The following DENND10 variants were observed in gnomAD, a reference collection of about 807,000 sequenced individuals.
The protein encoded by DENND10 is DENN domain-containing protein 10.
In DENND10, 24 loss-of-function variants were observed where a neutral mutation model predicts 43.6. The ratio of observed to expected loss-of-function variants is 0.55; its 90% confidence interval spans 0.40 to 0.77. DENND10 has a LOEUF of 0.77. Among genes scored for constraint, DENND10 ranks in the 30% least tolerant of loss-of-function variants. The pLI, the probability that DENND10 is intolerant of heterozygous loss-of-function variation, is 0.00. For missense variants in DENND10, 303 were observed against 429.9 expected, an observed-to-expected ratio of 0.70 and a Z score of 2.61; for synonymous variants, 125 against 157.6, an observed-to-expected ratio of 0.79 and a Z score of 1.55.
chr10:119,123,981 C>T (rs1160038592), intron 6 of DENND10, among the ~76,000 whole-genome samples: 2 of 150,006 alleles, frequency 1.3e-5, no homozygotes, highest in Non-Finnish European at 1.5e-5. Flanking sequence ...CACCTGAGGT[C>T]GGGAGTTCAA....
At chr10:119,125,979 C>T (rs938865984) in intron 6 of DENND10, among the ~76,000 whole-genome samples, 1 of 152,058 alleles carries the variant, frequency 6.6e-6, no homozygotes, top group Admixed American at 6.6e-5. Context: ...CTCTGGTACC[C>T]ACCATTCTAC....
chr10:119,111,281 A>C lies in DENND10; in HGVS notation c.253-568A>C, dbSNP rs1041147008. On this transcript the variant is annotated intron_variant, in intron 2 of 8. Coordinates refer to ENST00000361432, the MANE Select transcript of DENND10 (RefSeq NM_207009.4). ...AATGTCCCAAAAAAAAAAAAAAAAA[A>C]AACTGGAAAAATATATACATCTATT... 5.9e-5 allele frequency among the ~76,000 whole-genome samples: 8 copies of C among 136,364 alleles called. No individual in the cohort carries two copies. The East Asian group carries it at 1.8e-3, about 31-fold the overall frequency. The allele number at this position is 136,364 out of a possible 152,430, so 89.5% of individuals were successfully genotyped here.
At chr10:119,108,477 G>A (rs1246546858) in intron 2 of DENND10, among the ~76,000 whole-genome samples, 3 of 69,210 alleles carry the variant, frequency 4.3e-5, no homozygotes, top group Admixed American at 1.9e-4. Context: ...GCGAGACTCC[G>A]TCTCAAAAAA....
At chr10:119,128,601 G>A (rs1372176605) in intron 6 of DENND10, among the ~76,000 whole-genome samples, 2 of 103,740 alleles carry the variant, frequency 1.9e-5, no homozygotes, top group African/African-American at 8.5e-5. Context: ...GAGCGAGACT[G>A]TCTCAAAAAA....
rs1428043364 is a variant in DENND10, at chr10:119,132,297, A to G, written c.803-218A>G. On this transcript the variant is annotated intron_variant, in intron 7 of 8. Coordinates refer to ENST00000361432, the MANE Select transcript of DENND10 (RefSeq NM_207009.4). This position sits in a 1 kb window ranked among gnomAD's most constrained non-coding sequence, Gnocchi z 4.2. ...TGAAGGGGAAATCTGGTTTGGTGTG[A>G]TGTGTTTTTATGTTTGCCCAGAAGT... Among the ~76,000 whole-genome samples the G allele has an allele frequency of 1.3e-5, 2 of 152,108 alleles. No homozygotes were observed. The highest frequency in any genetic ancestry group is 2.9e-5 in the Non-Finnish European group (2 of 68,024).
At chr10:119,131,269 T>C (rs957946948) in intron 7 of DENND10, among the ~76,000 whole-genome samples, 2 of 152,122 alleles carry the variant, frequency 1.3e-5, no homozygotes, top group Non-Finnish European at 2.9e-5. Flanking sequence ...CCAGCCTGGC[T>C]AACACGGTGA....
chr10:119,124,842 G>T (rs1258287566), intron 6 of DENND10, among the ~76,000 whole-genome samples: 2 of 152,166 alleles, frequency 1.3e-5, no homozygotes, highest in Non-Finnish European at 1.5e-5. Flanking sequence ...TGGGGTGATC[G>T]CCTGAGCCCA....
At chr10:119,121,933 G>A (rs1845599963) in intron 5 of DENND10, among the ~76,000 whole-genome samples, 1 of 152,166 alleles carries the variant, frequency 6.6e-6, no homozygotes, top group African/African-American at 2.4e-5. Flanking sequence ...ATAAGGTAAT[G>A]AAAAGAACAA....
Position 119,108,112 on chromosome 10 carries a change from C to T in DENND10, c.200C>T (p.Thr67Ile), listed in dbSNP as rs531772521. 1 of 1,613,832 alleles carries T rather than the reference C, an allele frequency of 6.2e-7. No individual in the cohort carries two copies. The highest frequency in any genetic ancestry group is 8.5e-7 in the Non-Finnish European group (1 of 1,179,802). ...HPFVFGQYRR[T>I]WFYITTIEVP... ...TTTGTCTTTGGTCAGTACAGAAGAA[C>T]ATGGTTTTATATCACAACAATTGAA... The change falls in exon 2 of 9, where the codon ACA becomes ATA. Residue 67 changes from threonine (T) to isoleucine (I), a missense_variant. Thr to Ile is a moderately conservative substitution (Grantham distance 89). Transcript: ENST00000361432.
In DENND10 at chr10:119,123,557, C is replaced by G. The variant is rs771281126; in HGVS notation, c.682C>G (p.Gln228Glu). The change falls in exon 6 of 9, where the codon CAG becomes GAG. Residue 228 changes from glutamine to glutamate, a missense_variant. Transcript: ENST00000361432. ...CAACGCCGATGAGCTGGAAGCCCTGCAGATGTGCACAGGTAGACAAGAGGA... is the reference window on the plus strand; with the variant it reads ...CAACGCCGATGAGCTGGAAGCCCTGGAGATGTGCACAGGTAGACAAGAGGA... ...HLNADELEAL[Q>E]MCTGYVAGFV... The G allele has an allele frequency of 6.2e-7, 1 of 1,609,732 alleles. No individual in the cohort carries two copies. The highest frequency in any genetic ancestry group is 8.5e-7 in the Non-Finnish European group (1 of 1,176,814).
chr10:119,115,342 T>G (rs1225761295), intron 3 of DENND10, among the ~76,000 whole-genome samples: 1 of 151,242 alleles, frequency 6.6e-6, no homozygotes, highest in Non-Finnish European at 1.5e-5. Flanking sequence ...CATTCATTGT[T>G]CTCTACTTTT....
chr10:119,115,055 C>G (rs539277063), intron 3 of DENND10, among the ~76,000 whole-genome samples: 66 of 152,100 alleles, frequency 4.3e-4, no homozygotes, highest in African/African-American at 1.4e-3. Context: ...TAAGCATGAG[C>G]CACAGTGCTT....
intron 2 of DENND10, among the ~76,000 whole-genome samples, chr10:119,109,608 T>A (rs1589715230): frequency 6.6e-6 from 1 of 151,880 alleles, no homozygotes; most frequent in African/African-American, 2.4e-5. Flanking sequence ...AAAATATAAA[T>A]TTGCAAGAAG....
At chr10:119,117,302 G>C (rs1165144336) in intron 3 of DENND10, among the ~76,000 whole-genome samples, 2 of 152,008 alleles carry the variant, frequency 1.3e-5, no homozygotes, top group Non-Finnish European at 2.9e-5. Context: ...AACCCAGGAG[G>C]TGGAGGTTTC....
intron 6 of DENND10, among the ~76,000 whole-genome samples, chr10:119,124,231 T>G (rs1368411131): frequency 6.7e-6 from 1 of 149,476 alleles, no homozygotes; most frequent in South Asian, 2.1e-4. Flanking sequence ...GCATATAGGA[T>G]TTACCTTTTT....
chr10:119,122,706 A>G (rs1490024757), intron 5 of DENND10, among the ~76,000 whole-genome samples: 1 of 152,164 alleles, frequency 6.6e-6, no homozygotes, highest in Non-Finnish European at 1.5e-5. Context: ...AGTTTTTTTC[A>G]GAGAAATCTA....
intron 3 of DENND10, among the ~76,000 whole-genome samples, chr10:119,115,427 G>T (rs1288345425): frequency 1.2e-5 from 1 of 82,546 alleles, no homozygotes. Flanking sequence ...TCGCTCTGTC[G>T]CCCAGGCTGG....
intron 8 of DENND10, 112 bp from the exon 9 acceptor site, chr10:119,136,359 C>G: frequency 7.7e-7 from 1 of 1,296,034 alleles, no homozygotes; most frequent in East Asian, 2.5e-5. Context: ...CCACGCCAAG[C>G]TCATTTTTCA....
chr10:119,129,754 A>G lies in DENND10; in HGVS notation c.802+132A>G, dbSNP rs966779782. On this transcript the variant is annotated intron_variant, in intron 7 of 8. Transcript: ENST00000361432. ...TGAAGATGGATATTTCCGTGTCTAG[A>G]ACACAACATTTATTCCTATAAACAT... The G allele has an allele frequency of 7.6e-6, 5 of 655,660 alleles. No individual in the cohort carries two copies. In the Admixed American group the frequency reaches 1.0e-4, roughly 13 times the overall value. 40.6% of individuals were successfully genotyped at this position (655,660 alleles called of 1,614,324 possible). A position where few individuals can be genotyped will look rare whatever the true frequency, so the allele number is the denominator to read the frequency against.
Sources: gnomAD v4.1 joint callset for allele counts (sites outside exome capture counted in the v4.1 genomes callset) on GRCh38, gnomAD v4.1.1 for gene constraint, Gnocchi (gnomAD v3.1) non-coding constraint, MANE v1.5 for transcripts, NCBI Gene and HGNC (gene_info 2026-07-23, HGNC 2026-07-21) for gene names.